Variants in SNCG observed in about 807,000 individuals in gnomAD.
SNCG encodes the protein synuclein gamma.
Under a neutral mutation model 16.0 loss-of-function variants are expected in SNCG, and 13 were observed. The ratio of observed to expected loss-of-function variants is 0.81; its 90% CI spans 0.53 to 1.29. The LOEUF is 1.29. Ranked by LOEUF, SNCG falls within the 50% of genes most tolerant of loss-of-function variation. The pLI, the probability that SNCG is intolerant of heterozygous loss-of-function variation, is 0.00. For missense variants in SNCG, 154 were observed against 168.5 expected (o/e 0.91, Z 0.48); for synonymous variants, 66 against 66.3 (o/e 1.00, Z 0.02).
Position 86,963,068 on chromosome 10 carries a change from C to T in SNCG, c.*83C>T. 7.1e-7 allele frequency: 1 copy of T among 1,406,672 alleles called. No homozygotes were observed. Among genetic ancestry groups the T allele is most frequent in the Non-Finnish European group, 9.7e-7 (1 of 1,030,724 alleles). The allele number at this position is 1,406,672 out of a possible 1,614,324, so 87.1% of individuals were successfully genotyped here. Reference sequence around the variant, plus strand: ...CCCTCCTAGCACAAGGAGTGCCCGCCTTGAGTGACATGCGGCTGCCCACGC... The same window carrying T: ...CCCTCCTAGCACAAGGAGTGCCCGCTTTGAGTGACATGCGGCTGCCCACGC... On this transcript the variant is annotated 3_prime_UTR_variant, in exon 5 of 5. Coordinates refer to ENST00000372017, the MANE Select transcript of SNCG (RefSeq NM_003087.3).
Position 86,959,960 on chromosome 10 carries a change from G to T in SNCG, c.164-41G>T. ...CCTGACTCCAGCAGGCCTGCCTTGGGGCTGGGGCTGGGGTGGAGGCCAGCC... is the reference window on the plus strand; with the variant it reads ...CCTGACTCCAGCAGGCCTGCCTTGGTGCTGGGGCTGGGGTGGAGGCCAGCC... On this transcript the variant is annotated intron_variant, in intron 2 of 4. Transcript: ENST00000372017. This position sits in a 1 kb window ranked among gnomAD's most constrained non-coding sequence, Gnocchi z 4.3. 6.4e-7 allele frequency: 1 copy of T among 1,561,860 alleles called. No homozygotes were observed. Among genetic ancestry groups the T allele is most frequent in the Non-Finnish European group, 8.7e-7 (1 of 1,153,716 alleles).
chr10:86,957,921 C>A, upstream of SNCG: 1 of 1,050,742 alleles, frequency 9.5e-7, no homozygotes, highest in Non-Finnish European at 1.1e-6. Context: ...AGGGGACCTG[C>A]TGCCCATCCA....
At position 86,962,547 on chromosome 10, in the gene SNCG, C is replaced by T. The variant is rs960797182; in HGVS notation, c.292-57C>T. ...GGTAGACAAGGCCCTGGTTGCAGGG[C>T]AGCTAGGGGTCTCTGCATTCTCCAC... On this transcript the variant is annotated intron_variant, in intron 3 of 4. Transcript: ENST00000372017. The T allele has an allele frequency of 3.0e-6, 4 of 1,324,076 alleles. No individual in the cohort carries two copies. In the African/African-American group the frequency reaches 4.3e-5, roughly 14 times the overall value. The allele number at this position is 1,324,076 out of a possible 1,614,324, so 82.0% of individuals were successfully genotyped here.
At chr10:86,962,816 AC>A in intron 4 of SNCG, 141 bp downstream of exon 4, 3 of 1,144,734 alleles carry the variant, frequency 2.6e-6, no homozygotes, top group Admixed American at 2.2e-5. Flanking sequence ...GGGACTGTGT[AC>A]AGGGCTAACC....
rs535472487 is a variant in SNCG, at chr10:86,962,855, G to A, written c.364-110G>A. On this transcript the variant is annotated intron_variant, in intron 4 of 4. Coordinates refer to ENST00000372017, the MANE Select transcript of SNCG (RefSeq NM_003087.3). ...GAACCTGAGTGGGAGGTCCCCCCACGGATGACCCCTCAGGCATGGGGCACA... is the reference window on the plus strand; with the variant it reads ...GAACCTGAGTGGGAGGTCCCCCCACAGATGACCCCTCAGGCATGGGGCACA... 1.2e-5 allele frequency: 16 copies of A among 1,329,064 alleles called. 1 individual carries two copies. The highest frequency in any genetic ancestry group is 9.5e-5 in the South Asian group (7 of 73,588). 82.3% of individuals were successfully genotyped at this position (1,329,064 alleles called of 1,614,324 possible).
At chr10:86,961,276 G>A (rs1284832750) in intron 3 of SNCG, among the ~76,000 whole-genome samples, 5 of 152,102 alleles carry the variant, frequency 3.3e-5, no homozygotes, top group Admixed American at 1.3e-4. Context: ...CCCCTTTCTC[G>A]TCGTATGACC....
chr10:86,957,442 T>A (rs1322478171), upstream of SNCG: 5 of 1,613,846 alleles, frequency 3.1e-6, no homozygotes, highest in Non-Finnish European at 4.2e-6. Flanking sequence ...GTCCTGGAGC[T>A]CTGCAGATCA....
chr10:86,958,601 C>T lies in SNCG; in HGVS notation c.-97C>T. On this transcript the variant is annotated 5_prime_UTR_variant, in exon 1 of 5. Transcript: ENST00000372017. ...CGGCGTCAATAGGAGGCATCGGGGA[C>T]AGCCGCTGCGGCAGCACTCGAGCCA... 3 of 1,546,868 alleles carry T rather than the reference C, an allele frequency of 1.9e-6. No individual in the cohort carries two copies. The highest frequency in any genetic ancestry group is 2.6e-6 in the Non-Finnish European group (3 of 1,145,336).
At chr10:86,962,900 C>T in intron 4 of SNCG, 65 bp from the exon 5 acceptor site, 3 of 1,548,854 alleles carry the variant, frequency 1.9e-6, no homozygotes, top group Non-Finnish European at 2.6e-6. Context: ...TTTTCTCAGC[C>T]CACTCAGGGT....
chr10:86,956,643 G>C (rs1844237701), upstream of SNCG, among the ~76,000 whole-genome samples: 1 of 152,206 alleles, frequency 6.6e-6, no homozygotes, highest in African/African-American at 2.4e-5. Context: ...TGAGCCTCAG[G>C]CTCCTCCTCT....
chr10:86,960,789 C>T (rs763236535), intron 3 of SNCG, among the ~76,000 whole-genome samples: 4 of 152,214 alleles, frequency 2.6e-5, no homozygotes, highest in African/African-American at 9.6e-5. Flanking sequence ...ACCCCAGGGA[C>T]GGGTGTTGGC....
At chr10:86,960,719 G>A (rs1293825973) in intron 3 of SNCG, among the ~76,000 whole-genome samples, 4 of 152,224 alleles carry the variant, frequency 2.6e-5, no homozygotes, top group East Asian at 1.9e-4. Context: ...GTGTACATGC[G>A]TGTGAATGTA....
chr10:86,958,497 T>TCCCCA, upstream of SNCG: 3 of 1,098,150 alleles, frequency 2.7e-6, no homozygotes, highest in Non-Finnish European at 2.3e-6. Flanking sequence ...TGAACCTCCT[T>TCCCCA]CCCTCCCTCC....
At position 86,959,804 on chromosome 10, in the gene SNCG, C is replaced by A; in HGVS notation, c.163+130C>A. The A allele has an allele frequency of 8.0e-7, 1 of 1,247,808 alleles. No homozygotes were observed. Among genetic ancestry groups the A allele is most frequent in the Non-Finnish European group, 1.1e-6 (1 of 906,574 alleles). 77.3% of individuals were successfully genotyped at this position (1,247,808 alleles called of 1,614,324 possible). A position where few individuals can be genotyped will look rare whatever the true frequency, so the allele number is the denominator to read the frequency against. ...GGGTCCCAAGCCCTACAGACCCCTG[C>A]AGACCATGAGGCTAAACTAGGGTGG... On this transcript the variant is annotated intron_variant, in intron 2 of 4. Coordinates refer to ENST00000372017, the MANE Select transcript of SNCG (RefSeq NM_003087.3). This position sits in a 1 kb window ranked among gnomAD's most constrained non-coding sequence, Gnocchi z 4.3.
Position 86,963,166 on chromosome 10 carries a change from C to T in SNCG, c.*181C>T, listed in dbSNP as rs932149832. 1.2e-5 allele frequency: 6 copies of T among 487,858 alleles called. No individual in the cohort carries two copies. Among genetic ancestry groups the T allele is most frequent in the Non-Finnish European group, 2.1e-5 (6 of 280,934 alleles). The allele number at this position is 487,858 out of a possible 1,614,324, so 30.2% of individuals were successfully genotyped here. ...CTGCACCAACCTCACTGCCCTCCCT[C>T]GGCCCCACCCACCCTCTGGTCCTTC... On this transcript the variant is annotated 3_prime_UTR_variant, in exon 5 of 5. Transcript: ENST00000372017.
In SNCG at chr10:86,959,974, T is replaced by C. The variant is rs758550875; in HGVS notation, c.164-27T>C. On this transcript the variant is annotated intron_variant, in intron 2 of 4. Coordinates refer to ENST00000372017, the MANE Select transcript of SNCG (RefSeq NM_003087.3). This position sits in a 1 kb window ranked among gnomAD's most constrained non-coding sequence, Gnocchi z 4.3. ...GCCTGCCTTGGGGCTGGGGCTGGGG[T>C]GGAGGCCAGCCAGTGTCCTCCCATA... 3.2e-6 allele frequency: 5 copies of C among 1,570,080 alleles called. No homozygotes were observed. Among genetic ancestry groups the C allele is most frequent in the South Asian group, 2.3e-5 (2 of 85,448 alleles).
Position 86,958,778 on chromosome 10 carries a change from G to A in SNCG, c.81G>A (p.Thr27=), listed in dbSNP as rs778801167. 9.9e-6 allele frequency: 16 copies of A among 1,612,976 alleles called. No homozygotes were observed. Among genetic ancestry groups the A allele is most frequent in the South Asian group, 4.4e-5 (4 of 90,886 alleles). ...TGGAAAAGACCAAGCAGGGGGTGAC[G>A]GAAGCAGCTGAGAAGACCAAGGAGG... ...GAVEKTKQGV[T]EAAEKTKEGV... The change falls in exon 1 of 5, where the codon ACG becomes ACA. Residue 27 remains threonine (T), a synonymous_variant. Transcript: ENST00000372017.
At position 86,958,757 on chromosome 10, in the gene SNCG, A is replaced by G. The variant is rs1451025501; in HGVS notation, c.60A>G (p.Glu20=). 4 of 1,613,844 alleles carry G rather than the reference A, an allele frequency of 2.5e-6. No homozygotes were observed. The highest frequency in any genetic ancestry group is 1.7e-4 in the Middle Eastern group (1 of 6,060). Residue 20 remains glutamate (E), a synonymous_variant, in exon 1 of 5, where the codon GAA becomes GAG. Transcript: ENST00000372017. ...IAKEGVVGAV[E]KTKQGVTEAA... Reference sequence around the variant, plus strand: ...AGGAGGGCGTGGTGGGTGCGGTGGAAAAGACCAAGCAGGGGGTGACGGAAG... The same window carrying G: ...AGGAGGGCGTGGTGGGTGCGGTGGAGAAGACCAAGCAGGGGGTGACGGAAG...
upstream of SNCG, chr10:86,958,580 G>T: frequency 6.8e-7 from 1 of 1,480,974 alleles, no homozygotes; most frequent in Non-Finnish European, 9.0e-7. Flanking sequence ...TTTCATCGGC[G>T]TCAATAGGAG....
Sources: allele counts gnomAD v4.1 joint callset (sites outside exome capture counted in the v4.1 genomes callset), GRCh38; gene constraint gnomAD v4.1.1; non-coding constraint Gnocchi (gnomAD v3.1); transcripts MANE v1.5; gene names NCBI Gene and HGNC (gene_info 2026-07-23, HGNC 2026-07-21).